Variants in TRAP1 observed in about 807,000 individuals in gnomAD.
TRAP1 encodes the protein heat shock protein 75 kDa, mitochondrial.
Under a neutral mutation model 89.1 loss-of-function variants are expected in TRAP1, and 102 were observed. The observed-to-expected ratio is 1.15, with a 90% CI of 0.98 to 1.35. TRAP1 has a LOEUF of 1.35. TRAP1 is among the 40% of genes most tolerant of loss of function. TRAP1 has a pLI of 0.00. For missense variants in TRAP1, 1,256 were observed against 945.3 expected (o/e 1.33, Z -4.31); for synonymous variants, 508 against 388.0 (o/e 1.31, Z -3.64).
Position 3,690,943 on chromosome 16 carries a change from C to A in TRAP1, c.131G>T (p.Gly44Val). Reference sequence around the variant, plus strand: ...GCTCCAGGCTGGGTTTCGCCTGGGGCCCAACTGGGCTGTGGTCCTCCGAGG... The same window carrying A: ...GCTCCAGGCTGGGTTTCGCCTGGGGACCAACTGGGCTGTGGTCCTCCGAGG... ...LCPRRTTAQL[G>V]PRRNPAWSLQ... The change falls in exon 2 of 18, where the codon GGC becomes GTC. Residue 44 changes from glycine to valine, a missense_variant. Coordinates refer to ENST00000246957, the MANE Select transcript of TRAP1 (RefSeq NM_016292.3). The A allele has an allele frequency of 1.3e-6, 2 of 1,579,756 alleles. No homozygotes were observed. Among genetic ancestry groups the A allele is most frequent in the South Asian group, 1.2e-5 (1 of 86,524 alleles).
intron 4 of TRAP1, among the ~76,000 whole-genome samples, chr16:3,680,399 C>T (rs1433562008): frequency 2.0e-5 from 3 of 152,244 alleles, no homozygotes; most frequent in Non-Finnish European, 4.4e-5. Flanking sequence ...CTCCCACCAT[C>T]AAGATGTGGC....
At chr16:3,697,430 C>G (rs573431337) in intron 1 of TRAP1, among the ~76,000 whole-genome samples, 1 of 151,774 alleles carries the variant, frequency 6.6e-6, no homozygotes, top group Non-Finnish European at 1.5e-5. Context: ...TTTGGGAGGC[C>G]GAGGCGGGAG....
At chr16:3,664,108 TG>T in intron 13 of TRAP1, 165 bp downstream of exon 13, 1 of 690,394 alleles carries the variant, frequency 1.4e-6, no homozygotes, top group South Asian at 2.6e-5. Flanking sequence ...GACCTCCAAG[TG>T]GGAAACAGCC....
chr16:3,660,676 GA>G (rs2151235926), intron 16 of TRAP1: 1 of 152,336 alleles, frequency 6.6e-6, no homozygotes, highest in South Asian at 2.1e-4. Flanking sequence ...CCATGGCTAG[GA>G]AGATGCATCT....
Position 3,690,887 on chromosome 16 carries a change from TCTGCGTGCTGAA to T in TRAP1, c.175_186del (p.Phe59_Gln62del). On this transcript the variant is annotated inframe_deletion, in exon 2 of 18. Coordinates refer to ENST00000246957, the MANE Select transcript of TRAP1 (RefSeq NM_016292.3). ...AGGGGTTCCTCCTTGTCCTCGGCGG[TCTGCGTGCTGAA>T]CAGTCGTCCTGCCTGCAAGCTCCAG... The T allele has an allele frequency of 6.3e-7, 1 of 1,589,642 alleles. No individual in the cohort carries two copies. The highest frequency in any genetic ancestry group is 8.6e-7 in the Non-Finnish European group (1 of 1,168,230).
rs778200463 is a variant in TRAP1, at chr16:3,658,859, C to T, written c.1947G>A (p.Ala649=). ...QPTLEINPRH[A]LIKKLNQLRA... ...GCAGCTGATTCAGCTTCTTGATGAGCGCGTGCCTGCAACACAGAACCCACC... is the reference window on the plus strand; with the variant it reads ...GCAGCTGATTCAGCTTCTTGATGAGTGCGTGCCTGCAACACAGAACCCACC... Residue 649 remains alanine, a synonymous_variant, in exon 17 of 18, where the codon GCG becomes GCA. Transcript: ENST00000246957. 4.5e-5 allele frequency: 72 copies of T among 1,613,866 alleles called. No individual in the cohort carries two copies. Among genetic ancestry groups the T allele is most frequent in the Non-Finnish European group, 3.9e-5 (46 of 1,179,998 alleles).
At chr16:3,667,851 C>T (rs527914455) in intron 11 of TRAP1, among the ~76,000 whole-genome samples, 208 of 150,174 alleles carry the variant, frequency 1.4e-3, no homozygotes, top group African/African-American at 4.6e-3. Context: ...CTCTGCCTCC[C>T]GGGTTCAAGC....
chr16:3,710,879 A>ATATATATATATTTT (rs71133652), intron 1 of TRAP1, among the ~76,000 whole-genome samples: 27 of 125,796 alleles, frequency 2.1e-4, no homozygotes, highest in East Asian at 1.9e-3. Flanking sequence ...ATATATATAT[A>ATATATATATATTTT]TTTTTTTTTT....
At chr16:3,691,972 C>T (rs1340055136) in intron 1 of TRAP1, among the ~76,000 whole-genome samples, 1 of 152,122 alleles carries the variant, frequency 6.6e-6, no homozygotes, top group Non-Finnish European at 1.5e-5. Flanking sequence ...GACGCAGGCC[C>T]AGAAACCAGA....
At chr16:3,673,897 G>C (rs923764660) in intron 9 of TRAP1, among the ~76,000 whole-genome samples, 1 of 152,090 alleles carries the variant, frequency 6.6e-6, no homozygotes, top group Non-Finnish European at 1.5e-5. Flanking sequence ...CCTTCCCAGA[G>C]CGCCTGGCAG....
chr16:3,691,890 T>C (rs2051218988), intron 1 of TRAP1, among the ~76,000 whole-genome samples: 1 of 152,170 alleles, frequency 6.6e-6, no homozygotes, highest in Non-Finnish European at 1.5e-5. Context: ...TCCAGTGGGC[T>C]GAGAAAGTTG....
intron 3 of TRAP1, chr16:3,687,460 A>G (rs2051152717): frequency 6.6e-6 from 1 of 152,262 alleles, no homozygotes; most frequent in Non-Finnish European, 1.5e-5. Flanking sequence ...CAGGTTCCCT[A>G]GCTTCATCTC....
intron 1 of TRAP1, among the ~76,000 whole-genome samples, chr16:3,702,201 G>A (rs1471687854): frequency 6.6e-6 from 1 of 150,388 alleles, no homozygotes; most frequent in Non-Finnish European, 1.5e-5. Flanking sequence ...TTGAAAGCTG[G>A]TATGGACACA....
rs947564916 is a variant in TRAP1 at position 3,717,518 on chromosome 16, C to G, written c.-10G>C. ...GCAGCTCGCGCGCCATGTCGTACTC[C>G]CAGAGCGCCGCGCGCAGCCACGCGG... On this transcript the variant is annotated 5_prime_UTR_variant, in exon 1 of 18. Coordinates refer to ENST00000246957, the MANE Select transcript of TRAP1 (RefSeq NM_016292.3). 3 of 1,357,270 alleles carry G rather than the reference C, an allele frequency of 2.2e-6. No individual in the cohort carries two copies. Among genetic ancestry groups the G allele is most frequent in the Non-Finnish European group, 2.8e-6 (3 of 1,055,826 alleles). The allele number at this position is 1,357,270 out of a possible 1,614,324, so 84.1% of individuals were successfully genotyped here. A position where few individuals can be genotyped will look rare whatever the true frequency, so the allele number is the denominator to read the frequency against.
intron 4 of TRAP1, among the ~76,000 whole-genome samples, chr16:3,683,247 A>C (rs1241574994): frequency 6.6e-6 from 1 of 152,134 alleles, no homozygotes; most frequent in Admixed American, 6.5e-5. Context: ...CTAAGGGGCC[A>C]GGACAACTAA....
chr16:3,658,137 G>A lies in TRAP1; in HGVS notation c.2107C>T (p.Arg703Ter), dbSNP rs371020906. 223 of 1,613,948 alleles carry A rather than the reference G, an allele frequency of 1.4e-4. No homozygotes were observed. The highest frequency in any genetic ancestry group is 3.6e-4 in the East Asian group (16 of 44,886). Reference sequence around the variant, plus strand: ...TTCTGGCCCCCTGGCTGTCAGTGTCGCTCCAGGGCCTTGACAAGCAGCTCA... The same window carrying A: ...TTCTGGCCCCCTGGCTGTCAGTGTCACTCCAGGGCCTTGACAAGCAGCTCA... ...LNELLVKALE[R>*]H Residue 703 changes from arginine (R) to a stop codon, truncating the protein, a stop_gained, in exon 18 of 18, where the codon CGA becomes TGA. Coordinates refer to ENST00000246957, the MANE Select transcript of TRAP1 (RefSeq NM_016292.3). LOFTEE classifies it high-confidence loss of function.
intron 9 of TRAP1, among the ~76,000 whole-genome samples, chr16:3,674,036 C>T (rs2050952686): frequency 6.6e-6 from 1 of 152,216 alleles, no homozygotes; most frequent in African/African-American, 2.4e-5. Context: ...CCATGTGTGA[C>T]CCCTGAGACA....
Position 3,707,084 on chromosome 16 carries a change from C to A in TRAP1, c.88+10337G>T, listed in dbSNP as rs564513629. 9.2e-5 allele frequency among the ~76,000 whole-genome samples: 14 copies of A among 152,094 alleles called. No homozygotes were observed. In the East Asian group the frequency reaches 2.5e-3, roughly 27 times the overall value. ...TTTCTTTAATTTTTAATTATAGCCA[C>A]CCTAGTGAGTAGGAAGTGCTAACTC... On this transcript the variant is annotated intron_variant, in intron 1 of 17. Transcript: ENST00000246957.
intron 1 of TRAP1, among the ~76,000 whole-genome samples, chr16:3,705,632 G>A (rs939310904): frequency 2.0e-5 from 3 of 152,082 alleles, no homozygotes; most frequent in East Asian, 1.9e-4. Context: ...AGAGCACTCC[G>A]CTGTATAGAT....
Sources: allele counts gnomAD v4.1 joint callset (sites outside exome capture counted in the v4.1 genomes callset), GRCh38; gene constraint gnomAD v4.1.1; transcripts MANE v1.5; gene names NCBI Gene and HGNC (gene_info 2026-07-23, HGNC 2026-07-21).